The following GPR161 variants were observed in gnomAD, a reference collection of about 807,000 sequenced individuals.
GPR161 encodes the protein G protein-coupled receptor 161.
In GPR161, 25 loss-of-function variants were observed where a neutral mutation model predicts 39.2. The ratio of observed to expected loss-of-function variants is 0.64; its 90% CI spans 0.47 to 0.89. The LOEUF (loss-of-function observed/expected upper bound fraction) is 0.89, where lower values mean the gene tolerates loss of function less well. Ranked by LOEUF, GPR161 falls within the 40% of genes least tolerant of loss-of-function variation. GPR161 has a pLI of 0.00. For synonymous variants in GPR161, 286 were observed against 276.6 expected (o/e 1.03, Z -0.34); for missense variants, 547 against 677.8 (o/e 0.81, Z 2.14).
chr1:168,100,752 A>C (rs1371864537), intron 2 of GPR161, among the ~76,000 whole-genome samples: 2 of 152,228 alleles, frequency 1.3e-5, no homozygotes, highest in South Asian at 2.1e-4. Flanking sequence ...AGCCCTATCC[A>C]TCCCATTGTT....
Position 168,136,361 on chromosome 1 carries a change from C to A in GPR161, c.-45+378G>T, listed in dbSNP as rs570096025. ...TGGCCCCAGGGGGCGCGGCCCGCATCGGCAGAGTCCCGGGCACGCACCTAC... is the reference window on the plus strand; with the variant it reads ...TGGCCCCAGGGGGCGCGGCCCGCATAGGCAGAGTCCCGGGCACGCACCTAC... On this transcript the variant is annotated intron_variant, in intron 1 of 5. Transcript: ENST00000682931. 8.2e-6 allele frequency: 12 copies of A among 1,467,312 alleles called. No homozygotes were observed. The South Asian group carries it at 1.3e-4, about 16-fold the overall frequency. 90.9% of individuals were successfully genotyped at this position (1,467,312 alleles called of 1,614,324 possible). A position where few individuals can be genotyped will look rare whatever the true frequency, so the allele number is the denominator to read the frequency against.
chr1:168,106,355 T>G (rs970239598), intron 1 of GPR161, among the ~76,000 whole-genome samples: 1 of 152,198 alleles, frequency 6.6e-6, no homozygotes, highest in Non-Finnish European at 1.5e-5. Context: ...GGGAGGCCCA[T>G]GTGGGCAGAC....
At chr1:168,134,207 A>T (rs1219086745) in intron 1 of GPR161, among the ~76,000 whole-genome samples, 1 of 152,196 alleles carries the variant, frequency 6.6e-6, no homozygotes, top group Non-Finnish European at 1.5e-5. Context: ...CACAAACTAA[A>T]ATAAAATTGA....
intron 5 of GPR161, among the ~76,000 whole-genome samples, chr1:168,087,168 A>G (rs931213942): frequency 2.1e-4 from 32 of 152,230 alleles, no homozygotes; most frequent in Non-Finnish European, 4.0e-4. Context: ...TCACCGCTGT[A>G]GGAGCGACGG....
At chr1:168,106,377 A>T (rs1162550371) in intron 1 of GPR161, among the ~76,000 whole-genome samples, 1 of 152,220 alleles carries the variant, frequency 6.6e-6, no homozygotes, top group African/African-American at 2.4e-5. Flanking sequence ...GCTTGAGCTC[A>T]GGAGTTTGAG....
intron 1 of GPR161, among the ~76,000 whole-genome samples, chr1:168,123,124 C>T (rs919677184): frequency 2.0e-4 from 30 of 152,250 alleles, no homozygotes; most frequent in African/African-American, 6.0e-4. Context: ...CCTGATTTCA[C>T]GTGGGGTACC....
intron 1 of GPR161, among the ~76,000 whole-genome samples, chr1:168,106,885 T>C (rs1310631121): frequency 6.6e-6 from 1 of 152,244 alleles, no homozygotes; most frequent in Non-Finnish European, 1.5e-5. Flanking sequence ...CTTCTATGTC[T>C]GTGTCTTTGT....
At chr1:168,123,096 CTCT>C (rs1419617115) in intron 1 of GPR161, among the ~76,000 whole-genome samples, 4 of 152,204 alleles carry the variant, frequency 2.6e-5, no homozygotes, top group South Asian at 2.1e-4. Flanking sequence ...ATCCATTCTC[CTCT>C]TCTATCAAAA....
chr1:168,134,008 TA>T (rs1247704466), intron 1 of GPR161: 1 of 210,344 alleles, frequency 4.8e-6, no homozygotes, highest in African/African-American at 2.4e-5. Flanking sequence ...TTTATTTTCC[TA>T]TATGTTACTG....
At chr1:168,132,199 A>G (rs891473496) in intron 1 of GPR161, among the ~76,000 whole-genome samples, 7 of 152,010 alleles carry the variant, frequency 4.6e-5, no homozygotes, top group African/African-American at 1.7e-4. Context: ...CAGGAGGTGG[A>G]TGTTGCAGTG....
chr1:168,098,849 G>A lies in GPR161; in HGVS notation c.375-1617C>T, dbSNP rs551592642. Among the ~76,000 whole-genome samples, 5 of 152,356 alleles carry A rather than the reference G, an allele frequency of 3.3e-5. No homozygotes were observed. Among genetic ancestry groups the A allele is most frequent in the African/African-American group, 1.2e-4 (5 of 41,586 alleles). On this transcript the variant is annotated intron_variant, in intron 2 of 5. Transcript: ENST00000682931. This position sits in a 1 kb window ranked among gnomAD's most constrained non-coding sequence, Gnocchi z 4.1. ...TGGGCTTGCATCTTGCAAAGGCCGTGCAGCCCAAGGGAAAAAGCATGCCTT... is the reference window on the plus strand; with the variant it reads ...TGGGCTTGCATCTTGCAAAGGCCGTACAGCCCAAGGGAAAAAGCATGCCTT...
rs1414707284 is a variant in GPR161, at chr1:168,087,637, T to C, written c.1272A>G (p.Pro424=). The change falls in exon 5 of 6, where the codon CCA becomes CCG. Residue 424 remains proline, a synonymous_variant. Coordinates refer to ENST00000682931, the MANE Select transcript of GPR161 (RefSeq NM_001375883.1). ...ATGTCACCGAGCTCCTTCTCTTGGG[T>C]GGGCAAGTGCAGTGAGAGGGAGGGT... ...DDNPPSHCTC[P]PKRRSSVTFE... 3 of 1,613,932 alleles carry C rather than the reference T, an allele frequency of 1.9e-6. No homozygotes were observed. Among genetic ancestry groups the C allele is most frequent in the Non-Finnish European group, 2.5e-6 (3 of 1,179,942 alleles).
upstream of GPR161, chr1:168,137,434 T>C (rs969879296): frequency 5.6e-5 from 85 of 1,514,960 alleles, no homozygotes; most frequent in Non-Finnish European, 6.4e-5. Context: ...ATCTGCCTTC[T>C]GCCAGGCTCT....
At chr1:168,131,624 G>A (rs1430734049) in intron 1 of GPR161, among the ~76,000 whole-genome samples, 1 of 152,112 alleles carries the variant, frequency 6.6e-6, no homozygotes, top group African/African-American at 2.4e-5. Context: ...AAAGAATGGA[G>A]AGAAAAGAGA....
chr1:168,117,760 C>T (rs1697759206), intron 1 of GPR161, among the ~76,000 whole-genome samples: 1 of 152,114 alleles, frequency 6.6e-6, no homozygotes, highest in African/African-American at 2.4e-5. Flanking sequence ...ATCCATTCAC[C>T]ACAGCAGATG....
chr1:168,118,272 G>A (rs1210111339), intron 1 of GPR161, among the ~76,000 whole-genome samples: 2 of 152,108 alleles, frequency 1.3e-5, no homozygotes, highest in Non-Finnish European at 2.9e-5. Flanking sequence ...AACATACAGA[G>A]GACTCCTAAA....
In GPR161 at chr1:168,082,251, T is replaced by A. The variant is rs1024025807; in HGVS notation, c.*3280A>T. On this transcript the variant is annotated 3_prime_UTR_variant, in exon 6 of 6. Transcript: ENST00000682931. ...GGAGCAGTGATCTACCTAAGATCAC[T>A]CAGTGGCAATACCTGTGAACCTGGA... 4.6e-5 allele frequency: 7 copies of A among 151,332 alleles called. No individual in the cohort carries two copies. The highest frequency in any genetic ancestry group is 2.9e-5 in the Non-Finnish European group (2 of 68,062). 9.4% of individuals were successfully genotyped at this position (151,332 alleles called of 1,614,324 possible). A position where few individuals can be genotyped will look rare whatever the true frequency, so the allele number is the denominator to read the frequency against.
chr1:168,132,513 G>A (rs558063954), intron 1 of GPR161, among the ~76,000 whole-genome samples: 7 of 147,392 alleles, frequency 4.7e-5, no homozygotes, highest in African/African-American at 2.5e-5. Context: ...GCGTGAACCC[G>A]GAAGATGGAG....
chr1:168,136,223 C>T (rs1368811443), intron 1 of GPR161: 2 of 1,290,342 alleles, frequency 1.5e-6, no homozygotes, highest in Non-Finnish European at 2.0e-6. Context: ...GGGGAGACAG[C>T]GCCCTGAGTC....
Sources: allele counts gnomAD v4.1 joint callset (sites outside exome capture counted in the v4.1 genomes callset), GRCh38; gene constraint gnomAD v4.1.1; non-coding constraint Gnocchi (gnomAD v3.1); transcripts MANE v1.5; gene names NCBI Gene and HGNC (gene_info 2026-07-23, HGNC 2026-07-21).